The following DOK6 variants were observed in gnomAD, a reference collection of about 807,000 sequenced individuals.
The protein encoded by DOK6 is docking protein 6.
A neutral mutation model predicts 44.0 loss-of-function variants in DOK6; 22 were observed. That is an observed-to-expected ratio of 0.50 (90% confidence interval 0.36 to 0.71). The LOEUF (loss-of-function observed/expected upper bound fraction) is 0.71, where lower values mean the gene tolerates loss of function less well. Ranked by LOEUF, DOK6 falls within the 30% of genes least tolerant of loss-of-function variation. The pLI, the probability that DOK6 is intolerant of heterozygous loss-of-function variation, is 0.00. For synonymous variants in DOK6, 166 were observed against 145.5 expected, an observed-to-expected ratio of 1.14 and a Z score of -1.01; for missense variants, 340 against 416.4, an observed-to-expected ratio of 0.82 and a Z score of 1.60.
At chr18:69,629,749 AC>A (rs1984646269) in intron 3 of DOK6, among the ~76,000 whole-genome samples, 1 of 151,034 alleles carries the variant, frequency 6.6e-6, no homozygotes. Context: ...CCCAACACAA[AC>A]CCTCCTTCAG....
chr18:69,780,489 T>G (rs1452036224), intron 7 of DOK6, among the ~76,000 whole-genome samples: 1 of 152,144 alleles, frequency 6.6e-6, no homozygotes, highest in Non-Finnish European at 1.5e-5. Flanking sequence ...CTACTCTGGA[T>G]GCTGAGGCAG....
intron 7 of DOK6, among the ~76,000 whole-genome samples, chr18:69,796,149 A>T (rs1367410948): frequency 6.6e-6 from 1 of 152,180 alleles, no homozygotes; most frequent in Non-Finnish European, 1.5e-5. Context: ...CTGTTGCTTC[A>T]AGGTGAGCTC....
intron 1 of DOK6, among the ~76,000 whole-genome samples, chr18:69,502,951 C>T (rs1981086860): frequency 6.6e-6 from 1 of 152,038 alleles, no homozygotes; most frequent in Non-Finnish European, 1.5e-5. Flanking sequence ...CTAAATTGCC[C>T]TGTGACTGGC....
intron 5 of DOK6, among the ~76,000 whole-genome samples, chr18:69,701,990 C>A (rs933124150): frequency 1.3e-5 from 2 of 151,888 alleles, no homozygotes; most frequent in Non-Finnish European, 2.9e-5. Flanking sequence ...AAATATGATA[C>A]AAAAGCATAA....
intron 4 of DOK6, among the ~76,000 whole-genome samples, chr18:69,691,330 T>C (rs1986262504): frequency 6.6e-6 from 1 of 152,122 alleles, no homozygotes; most frequent in African/African-American, 2.4e-5. Flanking sequence ...GACATAAAGA[T>C]AATTCATTGA....
intron 1 of DOK6, among the ~76,000 whole-genome samples, chr18:69,409,473 A>G (rs922542232): frequency 6.6e-6 from 1 of 152,188 alleles, no homozygotes; most frequent in African/African-American, 2.4e-5. Flanking sequence ...TGTGCTATAT[A>G]TTGAATATGT....
chr18:69,598,612 ATAT>A (rs1041767320), intron 2 of DOK6, among the ~76,000 whole-genome samples: 1 of 152,128 alleles, frequency 6.6e-6, no homozygotes, highest in Non-Finnish European at 1.5e-5. Context: ...AACTCATTGA[ATAT>A]TATTATTGCA....
intron 1 of DOK6, among the ~76,000 whole-genome samples, chr18:69,447,769 T>C (rs997544070): frequency 6.6e-6 from 1 of 152,224 alleles, no homozygotes; most frequent in Non-Finnish European, 1.5e-5. Context: ...GCCCTGGGCA[T>C]GTAATTAGTC....
chr18:69,682,312 G>C (rs953742611), intron 4 of DOK6, among the ~76,000 whole-genome samples: 7 of 152,152 alleles, frequency 4.6e-5, no homozygotes, highest in Non-Finnish European at 1.0e-4. Flanking sequence ...TTCATGTTTT[G>C]TAAAATAATG....
At chr18:69,687,108 A>G (rs1314660596) in intron 4 of DOK6, among the ~76,000 whole-genome samples, 2 of 152,220 alleles carry the variant, frequency 1.3e-5, no homozygotes, top group Non-Finnish European at 1.5e-5. Flanking sequence ...GACCAAGTTT[A>G]TACAAGTAAA....
chr18:69,464,492 T>G (rs185658749), intron 1 of DOK6, among the ~76,000 whole-genome samples: 134 of 152,342 alleles, frequency 8.8e-4, no homozygotes, highest in African/African-American at 3.1e-3. Flanking sequence ...GACTTTATAT[T>G]AGATTATGAG....
intron 1 of DOK6, among the ~76,000 whole-genome samples, chr18:69,437,645 C>G (rs1008457581): frequency 5.3e-5 from 8 of 152,106 alleles, no homozygotes; most frequent in African/African-American, 1.9e-4. Flanking sequence ...ATTGTTTTGG[C>G]TATATGGGCT....
chr18:69,629,966 G>A lies in DOK6; in HGVS notation c.289+30468G>A, dbSNP rs530922971. Among the ~76,000 whole-genome samples, 144 of 151,902 alleles carry A rather than the reference G, an allele frequency of 9.5e-4. 1 individual carries two copies. Among genetic ancestry groups the A allele is most frequent in the South Asian group, 2.1e-3 (10 of 4,810 alleles). The stretch of plus-strand genomic sequence containing the variant: ...TTTGTAGTAGAGATGGGGTTTCACC[G>A]CGTTGGCCAGGCTGATGTCGAACTC... On this transcript the variant is annotated intron_variant, in intron 3 of 7. Transcript: ENST00000382713.
At chr18:69,497,641 G>A (rs1980929860) in intron 1 of DOK6, among the ~76,000 whole-genome samples, 1 of 152,082 alleles carries the variant, frequency 6.6e-6, no homozygotes, top group Non-Finnish European at 1.5e-5. Context: ...AACACCTATT[G>A]GAAATAGAAG....
chr18:69,826,309 G>T (rs371804515), intron 7 of DOK6, among the ~76,000 whole-genome samples: 49 of 152,284 alleles, frequency 3.2e-4, no homozygotes, highest in African/African-American at 9.4e-4. Flanking sequence ...CAGGTTTTCA[G>T]TTCCATCAGA....
intron 3 of DOK6, among the ~76,000 whole-genome samples, chr18:69,621,531 T>C (rs569872846): frequency 2.5e-4 from 38 of 152,318 alleles, no homozygotes; most frequent in African/African-American, 3.1e-4. Context: ...ACTGAGGAAG[T>C]TGACTTTGCA....
intron 1 of DOK6, among the ~76,000 whole-genome samples, chr18:69,466,174 C>A (rs905429002): frequency 6.6e-6 from 1 of 152,018 alleles, no homozygotes; most frequent in Admixed American, 6.6e-5. Flanking sequence ...ATTCCTCCGC[C>A]CCTCCCTCCA....
intron 7 of DOK6, among the ~76,000 whole-genome samples, chr18:69,836,135 C>T (rs1286161315): frequency 1.3e-5 from 2 of 152,132 alleles, no homozygotes; most frequent in Non-Finnish European, 2.9e-5. Flanking sequence ...TAATGTGAAT[C>T]TCTGGTCTTG....
intron 1 of DOK6, among the ~76,000 whole-genome samples, chr18:69,539,178 T>C (rs1450908942): frequency 6.6e-6 from 1 of 152,168 alleles, no homozygotes; most frequent in Non-Finnish European, 1.5e-5. Flanking sequence ...GAATTCTTCA[T>C]TGGTTGTCAA....
Sources: gnomAD v4.1 joint callset for allele counts (sites outside exome capture counted in the v4.1 genomes callset) on GRCh38, gnomAD v4.1.1 for gene constraint, MANE v1.5 for transcripts, NCBI Gene and HGNC (gene_info 2026-07-23, HGNC 2026-07-21) for gene names.